LPP: variants seen among roughly 807,000 people sequenced by gnomAD.
LPP encodes LIM domain containing preferred translocation partner in lipoma.
A neutral mutation model predicts 60.4 loss-of-function variants in LPP; 38 were observed. The observed-to-expected ratio is 0.63, with a 90% CI of 0.49 to 0.83. LPP has a LOEUF of 0.83. LPP is among the 40% of genes least tolerant of loss of function. LPP has a pLI of 0.00. For missense variants in LPP, 902 were observed against 783.6 expected (o/e 1.15, Z -1.80); for synonymous variants, 328 against 290.8 (o/e 1.13, Z -1.30).
chr3:188,577,760 C>CCTTCCTTCCTTCT lies in LPP; in HGVS notation c.430-31401_430-31400insCTTCCTTCCTTCT, dbSNP rs1478423993. 2.3e-4 allele frequency among the ~76,000 whole-genome samples: 14 copies of CCTTCCTTCCTTCT among 62,190 alleles called. 1 individual carries two copies. Among genetic ancestry groups the CCTTCCTTCCTTCT allele is most frequent in the East Asian group, 1.2e-3 (2 of 1,698 alleles). The allele number at this position is 62,190 out of a possible 152,430, so 40.8% of individuals were successfully genotyped here. A position where few individuals can be genotyped will look rare whatever the true frequency, so the allele number is the denominator to read the frequency against. On this transcript the variant is annotated intron_variant, in intron 6 of 11. Coordinates refer to ENST00000617246, the MANE Select transcript of LPP (RefSeq NM_001375462.1). ...TCCTTCCTTTGTTCCTTCGTTCCTT[C>CCTTCCTTCCTTCT]GTTCCTTCCTTCCTTCCTTCTGTCC...
At chr3:188,480,675 A>G (rs1212062508) in intron 4 of LPP, among the ~76,000 whole-genome samples, 1 of 152,200 alleles carries the variant, frequency 6.6e-6, no homozygotes, top group African/African-American at 2.4e-5. Flanking sequence ...TGTACGTCTC[A>G]GAGTCTGAGA....
intron 4 of LPP, among the ~76,000 whole-genome samples, chr3:188,409,256 C>T (rs1429799328): frequency 6.6e-6 from 1 of 152,146 alleles, no homozygotes; most frequent in Non-Finnish European, 1.5e-5. Flanking sequence ...CTCTCTCCCC[C>T]TCTCTCTAAA....
At chr3:188,549,549 C>T (rs1224118637) in intron 6 of LPP, among the ~76,000 whole-genome samples, 1 of 152,144 alleles carries the variant, frequency 6.6e-6, no homozygotes, top group East Asian at 1.9e-4. Flanking sequence ...AATCTGACTA[C>T]CTGTTAATTC....
chr3:188,303,216 A>G (rs1221373114), intron 2 of LPP, among the ~76,000 whole-genome samples: 1 of 152,208 alleles, frequency 6.6e-6, no homozygotes, highest in Non-Finnish European at 1.5e-5. Flanking sequence ...AGACTCCACC[A>G]TAAACAATAC....
At chr3:188,510,474 T>G (rs1210171105) in intron 5 of LPP, among the ~76,000 whole-genome samples, 3 of 152,226 alleles carry the variant, frequency 2.0e-5, no homozygotes. Context: ...TGTTTTAATA[T>G]AAATTGTCTG....
At chr3:188,268,017 A>ATTTTTTT (rs5855185) in intron 2 of LPP, among the ~76,000 whole-genome samples, 1 of 102,346 alleles carries the variant, frequency 9.8e-6, no homozygotes, top group Non-Finnish European at 2.0e-5. Context: ...ATTTTTAAGG[A>ATTTTTTT]TTTTTTTTTT....
intron 4 of LPP, among the ~76,000 whole-genome samples, chr3:188,429,164 A>G (rs1790268854): frequency 6.6e-6 from 1 of 152,178 alleles, no homozygotes; most frequent in Admixed American, 6.5e-5. Context: ...TACAGAAGAA[A>G]CATTACATTA....
In LPP at chr3:188,339,139, A is replaced by G. The variant is rs183260993; in HGVS notation, c.-66-2524A>G. 2.6e-5 allele frequency among the ~76,000 whole-genome samples: 4 copies of G among 152,322 alleles called. No homozygotes were observed. In the East Asian group the frequency reaches 7.7e-4, roughly 29 times the overall value. Reference sequence around the variant, plus strand: ...ATGGATGGTTTGACAAAGGATGCAGACATGTCAGGTTCTGGGTCAGCAGTT... The same window carrying G: ...ATGGATGGTTTGACAAAGGATGCAGGCATGTCAGGTTCTGGGTCAGCAGTT... On this transcript the variant is annotated intron_variant, in intron 2 of 11. Transcript: ENST00000617246.
chr3:188,777,343 A>G (rs943298033), intron 9 of LPP, among the ~76,000 whole-genome samples: 6 of 151,018 alleles, frequency 4.0e-5, no homozygotes, highest in Admixed American at 2.0e-4. Context: ...AATCGCCTTC[A>G]GTCCATTGAA....
At chr3:188,588,747 A>G (rs886699100) in intron 6 of LPP, among the ~76,000 whole-genome samples, 1 of 152,104 alleles carries the variant, frequency 6.6e-6, no homozygotes, top group East Asian at 1.9e-4. Flanking sequence ...CCTTTTGTCT[A>G]TGTCTCTGTT....
chr3:188,426,069 G>A (rs181427816), intron 4 of LPP, among the ~76,000 whole-genome samples: 11 of 151,552 alleles, frequency 7.3e-5, no homozygotes, highest in East Asian at 5.8e-4. Flanking sequence ...GATCTTTCCC[G>A]CTTTCTCTTG....
At chr3:188,566,325 T>C (rs1177957133) in intron 6 of LPP, among the ~76,000 whole-genome samples, 1 of 151,940 alleles carries the variant, frequency 6.6e-6, no homozygotes, top group Non-Finnish European at 1.5e-5. Flanking sequence ...CTTTCTGTGC[T>C]TAGAGATGAT....
At chr3:188,281,273 C>T (rs1238683687) in intron 2 of LPP, among the ~76,000 whole-genome samples, 3 of 151,602 alleles carry the variant, frequency 2.0e-5, no homozygotes, top group African/African-American at 4.8e-5. Flanking sequence ...ATTAGTGATG[C>T]GGGTTTAGAA....
intron 8 of LPP, among the ~76,000 whole-genome samples, chr3:188,729,267 T>C (rs1162156468): frequency 6.6e-6 from 1 of 152,182 alleles, no homozygotes; most frequent in Non-Finnish European, 1.5e-5. Context: ...GAGGGACAAG[T>C]AGTGGGACAA....
In LPP at chr3:188,572,847, T is replaced by C. The variant is rs1833823752; in HGVS notation, c.430-36314T>C. ...ACAGAAGGAGTTCTTTGCAGACTAA[T>C]AGTTGTCATTTCCAACACTTTTGAC... On this transcript the variant is annotated intron_variant, in intron 6 of 11. Coordinates refer to ENST00000617246, the MANE Select transcript of LPP (RefSeq NM_001375462.1). The surrounding 1 kb of genome is among the most constrained non-coding windows in gnomAD (Gnocchi z 4.1). Among the ~76,000 whole-genome samples the C allele has an allele frequency of 6.6e-6, 1 of 152,110 alleles. No individual in the cohort carries two copies. The highest frequency in any genetic ancestry group is 6.6e-5 in the Admixed American group (1 of 15,248).
chr3:188,531,629 G>A (rs2081550), intron 6 of LPP, among the ~76,000 whole-genome samples: 58,906 of 151,644 alleles, frequency 0.39, 13,162 homozygotes, highest in East Asian at 0.92. Context: ...GAGGTTTCAG[G>A]TTGTTAAGCA....
At chr3:188,854,305 T>C (rs1420119830) in intron 9 of LPP, among the ~76,000 whole-genome samples, 1 of 152,182 alleles carries the variant, frequency 6.6e-6, no homozygotes, top group Non-Finnish European at 1.5e-5. Context: ...ATTTCTAGTG[T>C]CAGAAAATAT....
intron 8 of LPP, among the ~76,000 whole-genome samples, chr3:188,720,427 A>G (rs1304060050): frequency 6.6e-6 from 1 of 152,174 alleles, no homozygotes; most frequent in East Asian, 1.9e-4. Flanking sequence ...ATCCCGGTTC[A>G]GAGGATTTTG....
At chr3:188,301,186 A>G (rs1365090676) in intron 2 of LPP, among the ~76,000 whole-genome samples, 3 of 152,102 alleles carry the variant, frequency 2.0e-5, no homozygotes, top group Middle Eastern at 3.4e-3. Flanking sequence ...TTTACCTGTC[A>G]TTTATATTTA....
Sources: allele counts gnomAD v4.1 joint callset (sites outside exome capture counted in the v4.1 genomes callset), GRCh38; gene constraint gnomAD v4.1.1; non-coding constraint Gnocchi (gnomAD v3.1); transcripts MANE v1.5; gene names NCBI Gene and HGNC (gene_info 2026-07-23, HGNC 2026-07-21).